ADAMTSL1: variants seen among roughly 807,000 people sequenced by gnomAD.
The protein encoded by ADAMTSL1 is ADAMTS-like protein 1.
In ADAMTSL1, 126 loss-of-function variants were observed where a neutral mutation model predicts 201.8. The ratio of observed to expected loss-of-function variants is 0.62; its 90% CI spans 0.54 to 0.72. ADAMTSL1 has a LOEUF of 0.72. Ranked by LOEUF, ADAMTSL1 falls within the 30% of genes least tolerant of loss-of-function variation. The pLI is 0.00. For synonymous variants in ADAMTSL1, 1,121 were observed against 903.4 expected, an observed-to-expected ratio of 1.24 and a Z score of -4.32; for missense variants, 2,679 against 2,277.8, an observed-to-expected ratio of 1.18 and a Z score of -3.59.
chr9:18,875,266 T>A (rs1048295687), intron 23 of ADAMTSL1, among the ~76,000 whole-genome samples: 10 of 152,128 alleles, frequency 6.6e-5, no homozygotes, highest in Admixed American at 3.3e-4. Context: ...TCTGCTCTGA[T>A]CTTTATTATT....
At chr9:18,107,894 C>T (rs1048778585) in intron 1 of ADAMTSL1, among the ~76,000 whole-genome samples, 1 of 152,146 alleles carries the variant, frequency 6.6e-6, no homozygotes. Flanking sequence ...TTCTTCAGAG[C>T]CACCGTGCTG....
intron 2 of ADAMTSL1, among the ~76,000 whole-genome samples, chr9:18,426,852 A>T (rs768767524): frequency 1.4e-4 from 21 of 152,190 alleles, no homozygotes; most frequent in Non-Finnish European, 2.4e-4. Context: ...TACACTAACC[A>T]AATGAAGAAC....
chr9:18,822,089 C>T lies in ADAMTSL1; in HGVS notation c.3935-4195C>T, dbSNP rs148666175. On this transcript the variant is annotated intron_variant, in intron 21 of 28. Coordinates refer to ENST00000380548, the MANE Select transcript of ADAMTSL1 (RefSeq NM_001040272.6). ...AATGCAAACGTGGGTTCTTTTCCTT[C>T]GCTGTTTTAAGATACAAATAATACC... Among the ~76,000 whole-genome samples, 204 of 152,156 alleles carry T rather than the reference C, an allele frequency of 1.3e-3. 1 individual carries two copies. The highest frequency in any genetic ancestry group is 4.5e-3 in the African/African-American group (187 of 41,520).
chr9:18,209,548 C>T (rs950977523), intron 2 of ADAMTSL1, among the ~76,000 whole-genome samples: 2 of 152,074 alleles, frequency 1.3e-5, no homozygotes, highest in African/African-American at 2.4e-5. Flanking sequence ...AAAGGGAGGT[C>T]CCGATAAACT....
chr9:18,412,297 G>A (rs1818477029), intron 2 of ADAMTSL1, among the ~76,000 whole-genome samples: 1 of 152,152 alleles, frequency 6.6e-6, no homozygotes, highest in South Asian at 2.1e-4. Flanking sequence ...CAACACTGGT[G>A]ATGTTAAGAT....
chr9:18,634,708 G>A (rs1826989133), intron 5 of ADAMTSL1, among the ~76,000 whole-genome samples: 1 of 150,538 alleles, frequency 6.6e-6, no homozygotes, highest in African/African-American at 2.4e-5. Flanking sequence ...CGTGATGGTG[G>A]GCGCCTATAA....
At chr9:18,393,116 C>A (rs2805929) in intron 2 of ADAMTSL1, among the ~76,000 whole-genome samples, 27,069 of 152,132 alleles carry the variant, frequency 0.18, 2,653 homozygotes, top group South Asian at 0.25. Flanking sequence ...TTAGTGGATG[C>A]ATGAATGTGG....
At chr9:18,810,953 C>T (rs1488158237) in intron 20 of ADAMTSL1, among the ~76,000 whole-genome samples, 1 of 139,150 alleles carries the variant, frequency 7.2e-6, no homozygotes, top group African/African-American at 2.7e-5. Flanking sequence ...TTCTTTTTGC[C>T]TCATAAATCA....
At chr9:18,067,190 C>G (rs1004080067) in intron 1 of ADAMTSL1, among the ~76,000 whole-genome samples, 14 of 152,086 alleles carry the variant, frequency 9.2e-5, no homozygotes, top group African/African-American at 3.4e-4. Context: ...ATTCCAATCC[C>G]AGCTCTACTA....
intron 16 of ADAMTSL1, among the ~76,000 whole-genome samples, chr9:18,755,817 A>C (rs1209144367): frequency 6.6e-6 from 1 of 152,028 alleles, no homozygotes; most frequent in Non-Finnish European, 1.5e-5. Context: ...GTTTAAGTTC[A>C]TTCTTCAGGT....
chr9:18,240,217 C>T (rs901741413), intron 2 of ADAMTSL1, among the ~76,000 whole-genome samples: 14 of 152,266 alleles, frequency 9.2e-5, no homozygotes, highest in African/African-American at 3.4e-4. Context: ...ATCCTTAATC[C>T]GTGGGCTACA....
Position 17,919,196 on chromosome 9 carries a change from T to C in ADAMTSL1, c.87+12274T>C, listed in dbSNP as rs569968210. ...AAAAAATCAATGATAAGTATTAATATGTTGTAGTGGCAATAGTGAGCCAAG... is the reference window on the plus strand; with the variant it reads ...AAAAAATCAATGATAAGTATTAATACGTTGTAGTGGCAATAGTGAGCCAAG... On this transcript the variant is annotated intron_variant, in intron 1 of 29. Transcript: ENST00000680146. Among the ~76,000 whole-genome samples, 140 of 152,010 alleles carry C rather than the reference T, an allele frequency of 9.2e-4. 1 individual carries two copies. Among genetic ancestry groups the C allele is most frequent in the African/African-American group, 3.2e-3 (135 of 41,552 alleles).
At chr9:18,050,145 T>A (rs1821867987) in intron 1 of ADAMTSL1, among the ~76,000 whole-genome samples, 1 of 152,220 alleles carries the variant, frequency 6.6e-6, no homozygotes, top group South Asian at 2.1e-4. Context: ...TTAAATTTTA[T>A]GGAGTTAAAG....
chr9:18,071,134 G>C (rs940592863), intron 1 of ADAMTSL1, among the ~76,000 whole-genome samples: 3 of 152,220 alleles, frequency 2.0e-5, no homozygotes, highest in Admixed American at 6.5e-5. Flanking sequence ...TTTAAGTTTT[G>C]AGATGAGCAT....
At chr9:18,659,411 A>G (rs1157702218) in intron 8 of ADAMTSL1, among the ~76,000 whole-genome samples, 2 of 152,252 alleles carry the variant, frequency 1.3e-5, no homozygotes, top group East Asian at 3.8e-4. Flanking sequence ...TATCAATTCA[A>G]CACTTTAAGC....
intron 21 of ADAMTSL1, among the ~76,000 whole-genome samples, chr9:18,823,146 A>G (rs760330555): frequency 5.3e-5 from 8 of 152,174 alleles, no homozygotes; most frequent in East Asian, 1.9e-4. Context: ...ACCAGTAACA[A>G]TACCTACATC....
intron 5 of ADAMTSL1, among the ~76,000 whole-genome samples, chr9:18,627,734 T>C (rs1826481846): frequency 6.6e-6 from 1 of 152,200 alleles, no homozygotes; most frequent in African/African-American, 2.4e-5. Flanking sequence ...TCATCCAGGA[T>C]AATCACTTAA....
rs556713911 is a variant in ADAMTSL1, at chr9:18,418,835, A to G, written c.208-85994A>G. Among the ~76,000 whole-genome samples the G allele has an allele frequency of 2.0e-5, 3 of 152,340 alleles. No individual in the cohort carries two copies. In the East Asian group the frequency reaches 5.8e-4, roughly 29 times the overall value. ...TATGAGGATATTCTGTATAGACACA[A>G]TCTGATTCTACAATGTATGTGAAAG... On this transcript the variant is annotated intron_variant, in intron 2 of 29. Transcript: ENST00000680146.
At chr9:18,448,864 A>G (rs1280428952) in intron 2 of ADAMTSL1, among the ~76,000 whole-genome samples, 1 of 152,152 alleles carries the variant, frequency 6.6e-6, no homozygotes, top group Non-Finnish European at 1.5e-5. Context: ...AAAATGCTCT[A>G]TGGTTACAAG....
Sources: allele counts gnomAD v4.1 joint callset (sites outside exome capture counted in the v4.1 genomes callset), GRCh38; gene constraint gnomAD v4.1.1; transcripts MANE v1.5; gene names NCBI Gene and HGNC (gene_info 2026-07-23, HGNC 2026-07-21).